ATG5: variants seen among roughly 807,000 people sequenced by gnomAD.
ATG5 encodes the protein autophagy protein 5.
A neutral mutation model predicts 36.5 loss-of-function variants in ATG5; 14 were observed. The ratio of observed to expected loss-of-function variants is 0.38; its 90% CI spans 0.25 to 0.60. The LOEUF (loss-of-function observed/expected upper bound fraction) is 0.60, where lower values mean the gene tolerates loss of function less well. Ranked by LOEUF, ATG5 falls within the 20% of genes least tolerant of loss-of-function variation. ATG5 has a pLI of 0.60. For missense variants in ATG5, 195 were observed against 326.7 expected (o/e 0.60, Z 3.11); for synonymous variants, 95 against 101.5 (o/e 0.94, Z 0.38).
chr6:106,246,198 T>C (rs1778322166), intron 6 of ATG5, among the ~76,000 whole-genome samples: 2 of 152,168 alleles, frequency 1.3e-5, no homozygotes, highest in Non-Finnish European at 1.5e-5. Flanking sequence ...TGTTGCTTTC[T>C]GTTTAAGGAA....
At chr6:106,201,157 T>G (rs1044856778) in intron 7 of ATG5, among the ~76,000 whole-genome samples, 1 of 152,156 alleles carries the variant, frequency 6.6e-6, no homozygotes, top group African/African-American at 2.4e-5. Flanking sequence ...GACACAATCA[T>G]CCATTTTCTT....
chr6:106,212,922 T>C (rs138690330), intron 6 of ATG5, among the ~76,000 whole-genome samples: 1 of 152,322 alleles, frequency 6.6e-6, no homozygotes, highest in Non-Finnish European at 1.5e-5. Context: ...AGTTGAGTAA[T>C]AGTGGTAATA....
chr6:106,297,931 C>T (rs1289825769), intron 3 of ATG5, among the ~76,000 whole-genome samples: 1 of 150,724 alleles, frequency 6.6e-6, no homozygotes, highest in African/African-American at 2.4e-5. Flanking sequence ...CAGGCATGAT[C>T]TGTACTCAAC....
At chr6:106,319,086 T>C (rs1234990528) in intron 1 of ATG5, among the ~76,000 whole-genome samples, 1 of 152,212 alleles carries the variant, frequency 6.6e-6, no homozygotes, top group African/African-American at 2.4e-5. Context: ...ATTTAACTTC[T>C]CTATTTCTGT....
At chr6:106,270,369 CCA>C (rs1229172789) in intron 5 of ATG5, among the ~76,000 whole-genome samples, 10 of 152,276 alleles carry the variant, frequency 6.6e-5, no homozygotes, top group Admixed American at 4.6e-4. Context: ...TTCTTAAATG[CCA>C]CACACAGAGT....
At chr6:106,310,200 G>A (rs966198912) in intron 2 of ATG5, among the ~76,000 whole-genome samples, 1 of 152,134 alleles carries the variant, frequency 6.6e-6, no homozygotes, top group African/African-American at 2.4e-5. Context: ...TTTGCTGAAT[G>A]AGTCAGAGAT....
At chr6:106,194,301 TG>T (rs754503455) in intron 7 of ATG5, among the ~76,000 whole-genome samples, 1 of 152,158 alleles carries the variant, frequency 6.6e-6, no homozygotes, top group South Asian at 2.1e-4. Context: ...CACTGACAAA[TG>T]TGATTATTGC....
At chr6:106,221,454 G>C (rs533935284) in intron 6 of ATG5, among the ~76,000 whole-genome samples, 1 of 152,248 alleles carries the variant, frequency 6.6e-6, no homozygotes, top group South Asian at 2.1e-4. Flanking sequence ...GGGAGGCCAA[G>C]ATGGGCGGAT....
chr6:106,260,701 C>G, intron 5 of ATG5, among the ~76,000 whole-genome samples: 1 of 152,102 alleles, frequency 6.6e-6, no homozygotes, highest in East Asian at 1.9e-4. Flanking sequence ...GGATTCTGAA[C>G]GTTACATAGC....
chr6:106,309,065 A>C (rs541161627), intron 2 of ATG5, among the ~76,000 whole-genome samples: 1 of 152,260 alleles, frequency 6.6e-6, no homozygotes, highest in East Asian at 1.9e-4. Flanking sequence ...TTGGAAAATC[A>C]ATTATGATTT....
chr6:106,297,810 C>T (rs1462973589), intron 3 of ATG5, among the ~76,000 whole-genome samples: 1 of 148,886 alleles, frequency 6.7e-6, no homozygotes, highest in East Asian at 2.0e-4. Flanking sequence ...GTGGCTTATG[C>T]CTGTAATCCT....
chr6:106,224,098 T>A (rs911825686), intron 6 of ATG5, among the ~76,000 whole-genome samples: 1 of 152,230 alleles, frequency 6.6e-6, no homozygotes, highest in Non-Finnish European at 1.5e-5. Flanking sequence ...GAAGGTGACA[T>A]CTGAAGTAAC....
At chr6:106,292,727 C>A (rs985302572) in intron 4 of ATG5, among the ~76,000 whole-genome samples, 3 of 152,180 alleles carry the variant, frequency 2.0e-5, no homozygotes, top group African/African-American at 7.2e-5. Context: ...ACCTCGGCCT[C>A]CCAAAGTGCT....
At chr6:106,305,984 AG>A (rs1770429705) in intron 3 of ATG5, among the ~76,000 whole-genome samples, 1 of 152,222 alleles carries the variant, frequency 6.6e-6, no homozygotes, top group South Asian at 2.1e-4. Context: ...CTAAAGGAAA[AG>A]ATGCATCAAA....
intron 6 of ATG5, among the ~76,000 whole-genome samples, chr6:106,237,272 C>T (rs1249291850): frequency 6.6e-6 from 1 of 152,104 alleles, no homozygotes; most frequent in African/African-American, 2.4e-5. Flanking sequence ...TTTCTTTAAT[C>T]CTTTAAAATT....
At chr6:106,264,073 A>C (rs1258347419) in intron 5 of ATG5, among the ~76,000 whole-genome samples, 1 of 152,190 alleles carries the variant, frequency 6.6e-6, no homozygotes, top group African/African-American at 2.4e-5. Flanking sequence ...TTCTAACCCA[A>C]TGCAAGGAAG....
intron 7 of ATG5, among the ~76,000 whole-genome samples, chr6:106,201,434 G>A (rs1476590908): frequency 6.6e-6 from 1 of 152,108 alleles, no homozygotes; most frequent in Non-Finnish European, 1.5e-5. Context: ...TCCCTTGCTT[G>A]CAGGAAAACA....
Position 106,186,564 on chromosome 6 carries a change from A to G in ATG5, c.804T>C (p.Ser268=), listed in dbSNP as rs1775777792. The G allele has an allele frequency of 6.2e-7, 1 of 1,613,782 alleles. No individual in the cohort carries two copies. Among genetic ancestry groups the G allele is most frequent in the Admixed American group, 1.7e-5 (1 of 59,988 alleles). The change falls in exon 8 of 8, where the codon AGT becomes AGC. Residue 268 remains serine (S), a synonymous_variant. Transcript: ENST00000369076. ...LSYPDNFLHI[S]IIPQPTD Reference sequence around the variant, plus strand: ...TTCAATCTGTTGGCTGTGGGATGATACTAATATGAAGAAAATTATCCGGGT... The same window carrying G: ...TTCAATCTGTTGGCTGTGGGATGATGCTAATATGAAGAAAATTATCCGGGT...
chr6:106,266,787 G>A (rs1423384823), intron 5 of ATG5, among the ~76,000 whole-genome samples: 3 of 152,110 alleles, frequency 2.0e-5, no homozygotes, highest in Non-Finnish European at 4.4e-5. Context: ...AAAGGCCTTA[G>A]GTAAAATTCA....
Sources: allele counts gnomAD v4.1 joint callset (sites outside exome capture counted in the v4.1 genomes callset), GRCh38; gene constraint gnomAD v4.1.1; transcripts MANE v1.5; gene names NCBI Gene and HGNC (gene_info 2026-07-23, HGNC 2026-07-21).